SOX13: variants seen among roughly 807,000 people sequenced by gnomAD.
The protein encoded by SOX13 is transcription factor SOX-13.
In SOX13, 28 loss-of-function variants were observed where a neutral mutation model predicts 71.8. That is an observed-to-expected ratio of 0.39 (90% CI 0.29 to 0.53). The LOEUF (loss-of-function observed/expected upper bound fraction) is 0.53. SOX13 is among the 20% of genes least tolerant of loss of function. SOX13 has a pLI of 0.70. For synonymous variants in SOX13, 309 were observed against 317.8 expected, an observed-to-expected ratio of 0.97 and a Z score of 0.29; for missense variants, 627 against 810.3, an observed-to-expected ratio of 0.77 and a Z score of 2.75.
chr1:204,083,118 T>TG (rs1459443111), intron 1 of SOX13, among the ~76,000 whole-genome samples: 1 of 152,228 alleles, frequency 6.6e-6, no homozygotes, highest in East Asian at 1.9e-4. Flanking sequence ...TTCTGGGCAC[T>TG]GATTAACTTG....
Position 204,124,807 on chromosome 1 carries a change from G to T in SOX13, c.1542G>T (p.Lys514Asn). ...AGCGGCTGCGCGTGGGAGAGTACAA[G>T]GCCCTGATGAGGACCCGGCGTCAGG... ...EGKRLRVGEYKALMRTRRQDA... is the reference protein window; with the variant it reads ...EGKRLRVGEYNALMRTRRQDA... The change falls in exon 13 of 14, where the codon AAG becomes AAT. Residue 514 changes from lysine to asparagine, a missense_variant. Around this residue, in one of 3 missense-constraint regions of SOX13, gnomAD observed 148 missense variants for 192.7 expected, o/e 0.77. Transcript: ENST00000367204. The T allele has an allele frequency of 6.3e-7, 1 of 1,591,892 alleles. No homozygotes were observed. Among genetic ancestry groups the T allele is most frequent in the Non-Finnish European group, 8.5e-7 (1 of 1,169,858 alleles).
At chr1:204,093,280 C>T (rs12034028) in intron 1 of SOX13, among the ~76,000 whole-genome samples, 15,486 of 152,202 alleles carry the variant, frequency 0.1, 869 homozygotes, top group Non-Finnish European at 0.13. Flanking sequence ...CCTTTTCTTC[C>T]CACCTTAACT....
intron 6 of SOX13, among the ~76,000 whole-genome samples, 159 bp downstream of exon 6, chr1:204,117,349 A>G (rs957391744): frequency 6.6e-6 from 1 of 152,020 alleles, no homozygotes; most frequent in African/African-American, 2.4e-5. Flanking sequence ...CTAGCCCCCA[A>G]CCTGTCTTCC....
chr1:204,087,774 C>A (rs1310201803), intron 1 of SOX13, among the ~76,000 whole-genome samples: 1 of 152,232 alleles, frequency 6.6e-6, no homozygotes, highest in Non-Finnish European at 1.5e-5. Context: ...TGGAGTCAGA[C>A]ACTTTGCCAC....
intron 1 of SOX13, among the ~76,000 whole-genome samples, chr1:204,090,701 A>T (rs1164945587): frequency 6.6e-6 from 1 of 152,190 alleles, no homozygotes; most frequent in Non-Finnish European, 1.5e-5. Flanking sequence ...GTGAGCCACC[A>T]TGCCCGGCCA....
At chr1:204,112,501 GCACACA>G (rs6143576) in intron 1 of SOX13, among the ~76,000 whole-genome samples, 34 of 57,922 alleles carry the variant, frequency 5.9e-4, no homozygotes, top group Admixed American at 1.9e-3. Context: ...ACACATGCGT[GCACACA>G]CACACACACA....
In SOX13 at chr1:204,125,958, C is replaced by T. The variant is rs771239497; in HGVS notation, c.1693C>T (p.Arg565Cys). 1.9e-5 allele frequency: 31 copies of T among 1,613,800 alleles called. No individual in the cohort carries two copies. Among genetic ancestry groups the T allele is most frequent in the African/African-American group, 2.7e-5 (2 of 74,932 alleles). Reference sequence around the variant, plus strand: ...GCCACTGGTGGAGCACTATGTCCCTCGTAGCCTGGACCCCAACATGCCTGT... The same window carrying T: ...GCCACTGGTGGAGCACTATGTCCCTTGTAGCCTGGACCCCAACATGCCTGT... ...AQPLVEHYVP[R>C]SLDPNMPVIV... Residue 565 changes from arginine (R) to cysteine (C), a missense_variant, in exon 14 of 14, where the codon CGT becomes TGT. This residue lies in a region of SOX13 where 148 missense variants were observed against 192.7 expected (regional missense o/e 0.77). Transcript: ENST00000367204.
At chr1:204,119,125 G>A (rs2102261780) in intron 7 of SOX13, 1 of 152,460 alleles carries the variant, frequency 6.6e-6, no homozygotes. Flanking sequence ...ATAGGCCATG[G>A]GCTTGGGTAG....
intron 1 of SOX13, among the ~76,000 whole-genome samples, chr1:204,093,407 C>T (rs1194925201): frequency 6.6e-6 from 1 of 152,198 alleles, no homozygotes; most frequent in East Asian, 1.9e-4. Context: ...TCACAAAACC[C>T]AGCTGCGGGT....
chr1:204,117,842 A>G (rs1386806078), intron 7 of SOX13, 135 bp downstream of exon 7: 2 of 619,758 alleles, frequency 3.2e-6, no homozygotes, highest in Non-Finnish European at 3.0e-6. Flanking sequence ...GTCTGGTAGA[A>G]GAATCATCCT....
rs964062691 is a variant in SOX13 at position 204,081,301 on chromosome 1, C to G, written c.-2+7590C>G. Among the ~76,000 whole-genome samples, 1 of 152,188 alleles carries G rather than the reference C, an allele frequency of 6.6e-6. No individual in the cohort carries two copies. The highest frequency in any genetic ancestry group is 1.9e-4 in the East Asian group (1 of 5,204). On this transcript the variant is annotated intron_variant, in intron 1 of 13. Transcript: ENST00000367204. The surrounding 1 kb of genome is among the most constrained non-coding windows in gnomAD (Gnocchi z 4.3). ...AAGAGTAATACAACAATGTGTATCA[C>G]TTTCGTCATCAGGATGAAAAGGATT...
intron 1 of SOX13, among the ~76,000 whole-genome samples, chr1:204,112,473 A>T (rs949689926): frequency 2.7e-5 from 4 of 149,866 alleles, no homozygotes; most frequent in Non-Finnish European, 4.4e-5. Flanking sequence ...ATACATACAA[A>T]CATGCACAGA....
intron 1 of SOX13, among the ~76,000 whole-genome samples, chr1:204,085,832 T>C (rs1186924427): frequency 2.0e-5 from 3 of 151,352 alleles, no homozygotes; most frequent in African/African-American, 7.3e-5. Context: ...ACAAAAAAAT[T>C]AGCTGGGCGT....
rs79996496 is a variant in SOX13 at position 204,075,184 on chromosome 1, G to T, written c.-2+1473G>T. Among the ~76,000 whole-genome samples, 3 of 152,248 alleles carry T rather than the reference G, an allele frequency of 2.0e-5. No individual in the cohort carries two copies. In the East Asian group the frequency reaches 5.8e-4, roughly 29 times the overall value. On this transcript the variant is annotated intron_variant, in intron 1 of 13. Transcript: ENST00000367204. ...GGGAGGCAAGCTCGGTTCCAGCCGGGCGGCGCTCTCCGTCGAGCCAGGCCG... is the reference window on the plus strand; with the variant it reads ...GGGAGGCAAGCTCGGTTCCAGCCGGTCGGCGCTCTCCGTCGAGCCAGGCCG...
Position 204,117,576 on chromosome 1 carries a change from G to A in SOX13, c.661-17G>A. 1 of 1,561,652 alleles carries A rather than the reference G, an allele frequency of 6.4e-7. No individual in the cohort carries two copies. The highest frequency in any genetic ancestry group is 2.3e-5 in the East Asian group (1 of 44,112). On this transcript the variant is annotated splice_polypyrimidine_tract_variant and intron_variant, in intron 6 of 13. Coordinates refer to ENST00000367204, the MANE Select transcript of SOX13 (RefSeq NM_005686.3). ...TTTGGGTCCCTGGGGACTCACACAG[G>A]GTTTCTTTGCCTTCAGCAGGTTAAC...
chr1:204,121,910 G>A lies in SOX13; in HGVS notation c.786G>A (p.Pro262=), dbSNP rs373823352. The A allele has an allele frequency of 5.7e-5, 92 of 1,611,264 alleles. 1 individual carries two copies. The highest frequency in any genetic ancestry group is 2.1e-4 in the South Asian group (19 of 90,952). ...QPIPCKPVEY[P]LQLLHSPPAP... ...CTGCCTTTTCCATAGTGGAGTATCC[G>A]CTGCAGCTGCTGCACAGCCCCCCTG... is the stretch of plus-strand genomic sequence containing the variant. Residue 262 remains proline (P), a synonymous_variant, in exon 8 of 14, where the codon CCG becomes CCA. Coordinates refer to ENST00000367204, the MANE Select transcript of SOX13 (RefSeq NM_005686.3).
intron 1 of SOX13, among the ~76,000 whole-genome samples, chr1:204,084,657 AG>A (rs1655979319): frequency 6.6e-6 from 1 of 152,132 alleles, no homozygotes; most frequent in Non-Finnish European, 1.5e-5. Flanking sequence ...GTAGACACAA[AG>A]GGCCTCTTGT....
chr1:204,102,911 C>A (rs1383759410), intron 1 of SOX13, among the ~76,000 whole-genome samples: 1 of 152,120 alleles, frequency 6.6e-6, no homozygotes, highest in Admixed American at 6.5e-5. Context: ...CCATTAGCCA[C>A]ACCAGGATGC....
intron 1 of SOX13, among the ~76,000 whole-genome samples, chr1:204,077,327 G>A (rs1201532717): frequency 2.0e-5 from 3 of 152,212 alleles, no homozygotes; most frequent in East Asian, 1.9e-4. Context: ...TTTAAGTGGG[G>A]GAGTGACATG....
Sources: gnomAD v4.1 joint callset for allele counts (sites outside exome capture counted in the v4.1 genomes callset) on GRCh38, gnomAD v4.1.1 for gene constraint, gnomAD v4.1.1 regional missense constraint, Gnocchi (gnomAD v3.1) non-coding constraint, MANE v1.5 for transcripts, NCBI Gene and HGNC (gene_info 2026-07-23, HGNC 2026-07-21) for gene names.